SEMA6A: variants seen among roughly 807,000 people sequenced by gnomAD.
SEMA6A encodes the protein semaphorin-6A.
In SEMA6A, 25 loss-of-function variants were observed where a neutral mutation model predicts 96.8. That is an observed-to-expected ratio of 0.26 (90% confidence interval 0.19 to 0.36). SEMA6A has a LOEUF of 0.36. Among genes scored for constraint, SEMA6A ranks in the 10% least tolerant of loss-of-function variants. SEMA6A has a pLI of 1.00. For missense variants in SEMA6A, 1,363 were observed against 1,323.1 expected (o/e 1.03, Z -0.47); for synonymous variants, 612 against 518.0 (o/e 1.18, Z -2.46).
At chr5:116,533,946 T>C (rs1034284208) in intron 1 of SEMA6A, among the ~76,000 whole-genome samples, 11 of 152,134 alleles carry the variant, frequency 7.2e-5, no homozygotes, top group African/African-American at 2.7e-4. Flanking sequence ...GGTAGTTTCA[T>C]TCTCTCCCAA....
intron 1 of SEMA6A, among the ~76,000 whole-genome samples, chr5:116,567,295 G>T (rs868258145): frequency 7.9e-5 from 12 of 152,044 alleles, no homozygotes; most frequent in African/African-American, 2.9e-4. Context: ...GCCTGTTTAT[G>T]GTATGAATGT....
chr5:116,566,949 C>CA (rs1761048550), intron 1 of SEMA6A, among the ~76,000 whole-genome samples: 1 of 152,152 alleles, frequency 6.6e-6, no homozygotes, highest in Admixed American at 6.5e-5. Context: ...CAATCAGCAG[C>CA]CGAGTTTCTC....
chr5:116,487,059 C>A, intron 9 of SEMA6A, 93 bp from the exon 10 acceptor site: 11 of 795,568 alleles, frequency 1.4e-5, no homozygotes, highest in South Asian at 3.5e-5. Flanking sequence ...AGAAACAAAA[C>A]AACAAGGTGC....
At chr5:116,513,704 C>T (rs188054524) in intron 1 of SEMA6A, among the ~76,000 whole-genome samples, 86 of 151,244 alleles carry the variant, frequency 5.7e-4, no homozygotes, top group South Asian at 1.5e-3. Context: ...TGGTGGTTTG[C>T]GGCACAGGTC....
chr5:116,468,093 C>G (rs1755885308), intron 17 of SEMA6A: 1 of 248,356 alleles, frequency 4.0e-6, no homozygotes, highest in Non-Finnish European at 7.8e-6. Context: ...GTGAAAGCAT[C>G]TTGCACAGTG....
At chr5:116,503,637 G>A (rs549105945) in intron 2 of SEMA6A, among the ~76,000 whole-genome samples, 29 of 151,718 alleles carry the variant, frequency 1.9e-4, no homozygotes, top group African/African-American at 6.8e-4. Flanking sequence ...TCAGCCTCCT[G>A]TAGCTGGAAC....
In SEMA6A at chr5:116,447,172, T is replaced by C; in HGVS notation, c.2534A>G (p.Asp845Gly). The C allele has an allele frequency of 6.2e-7, 1 of 1,614,014 alleles. No individual in the cohort carries two copies. Among genetic ancestry groups the C allele is most frequent in the Non-Finnish European group, 8.5e-7 (1 of 1,179,890 alleles). Residue 845 changes from aspartate (D) to glycine (G), a missense_variant, in exon 19 of 19, where the codon GAC becomes GGC. Transcript: ENST00000343348. ...MSEVAQMALE[D>G]QAATLEYKTI... Reference sequence around the variant, plus strand: ...CTTATACTCCAGTGTGGCGGCCTGGTCCTCCAGCGCCATCTGGGCCACCTC... The same window carrying C: ...CTTATACTCCAGTGTGGCGGCCTGGCCCTCCAGCGCCATCTGGGCCACCTC...
intron 12 of SEMA6A, 107 bp downstream of exon 12, chr5:116,480,015 G>T: frequency 7.6e-7 from 1 of 1,317,474 alleles, no homozygotes; most frequent in Non-Finnish European, 1.1e-6. Flanking sequence ...GAATGCCCAG[G>T]ATAGCAGAAG....
Position 116,488,924 on chromosome 5 carries a change from G to T in SEMA6A, c.619C>A (p.Leu207Met), listed in dbSNP as rs895749539. ...TTTGAATCGTGCTTGACGGTCCGCA[G>T]GGTAGGGCTTTCTCCAAGACTCCGG... is the stretch of plus-strand genomic sequence containing the variant. ...IYRSLGESPT[L>M]RTVKHDSKWL... is the part of the protein sequence containing the mutation. Residue 207 changes from leucine to methionine, a missense_variant, in exon 8 of 19, where the codon CTG becomes ATG. Coordinates refer to ENST00000343348, the MANE Select transcript of SEMA6A (RefSeq NM_020796.5). 6.3e-7 allele frequency: 1 copy of T among 1,589,100 alleles called. No homozygotes were observed. Among genetic ancestry groups the T allele is most frequent in the Non-Finnish European group, 8.6e-7 (1 of 1,166,708 alleles).
chr5:116,524,936 CAATGGCATCTCTGA>C (rs1759152499), intron 1 of SEMA6A, among the ~76,000 whole-genome samples: 2 of 152,198 alleles, frequency 1.3e-5, no homozygotes, highest in Non-Finnish European at 2.9e-5. Flanking sequence ...AAGATCTAGA[CAATGGCATCTCTGA>C]ACTCTTCATT....
At chr5:116,557,439 C>G (rs145586738) in intron 1 of SEMA6A, among the ~76,000 whole-genome samples, 1 of 152,204 alleles carries the variant, frequency 6.6e-6, no homozygotes, top group South Asian at 2.1e-4. Context: ...CTCAAACTCC[C>G]GGCCTCAAGC....
chr5:116,502,061 A>T (rs1364014660), intron 3 of SEMA6A, 149 bp downstream of exon 3: 1 of 629,118 alleles, frequency 1.6e-6, no homozygotes, highest in Non-Finnish European at 2.8e-6. Flanking sequence ...TTTTGAAATA[A>T]TGATTGCTTG....
At chr5:116,481,279 T>C (rs1371344724) in intron 11 of SEMA6A, among the ~76,000 whole-genome samples, 1 of 152,204 alleles carries the variant, frequency 6.6e-6, no homozygotes, top group African/African-American at 2.4e-5. Flanking sequence ...TACTGAAACC[T>C]GATCCCTCAG....
Position 116,486,693 on chromosome 5 carries a change from T to C in SEMA6A, c.962+56A>G, listed in dbSNP as rs759573918. On this transcript the variant is annotated intron_variant, in intron 10 of 18. Coordinates refer to ENST00000343348, the MANE Select transcript of SEMA6A (RefSeq NM_020796.5). ...TATGGTTTATTAGAAGAGAACCCCCTGGGAGAAGGAAGCCAGGAAGAATTG... is the reference window on the plus strand; with the variant it reads ...TATGGTTTATTAGAAGAGAACCCCCCGGGAGAAGGAAGCCAGGAAGAATTG... 3.6e-5 allele frequency: 52 copies of C among 1,443,966 alleles called. No individual in the cohort carries two copies. The Middle Eastern group carries it at 1.2e-3, about 34-fold the overall frequency. The allele number at this position is 1,443,966 out of a possible 1,614,324, so 89.4% of individuals were successfully genotyped here.
intron 18 of SEMA6A, among the ~76,000 whole-genome samples, chr5:116,448,340 G>A (rs1172841225): frequency 2.0e-5 from 3 of 151,844 alleles, no homozygotes; most frequent in Admixed American, 6.6e-5. Context: ...GCGAGACTCC[G>A]TTTCAAAAAA....
chr5:116,570,459 GCA>G (rs1761167288), intron 1 of SEMA6A, among the ~76,000 whole-genome samples: 1 of 152,204 alleles, frequency 6.6e-6, no homozygotes, highest in Non-Finnish European at 1.5e-5. Flanking sequence ...ATGTCAAGGA[GCA>G]CTCCTCTACT....
At chr5:116,561,754 T>C (rs1760825635) in intron 1 of SEMA6A, among the ~76,000 whole-genome samples, 1 of 152,236 alleles carries the variant, frequency 6.6e-6, no homozygotes, top group Non-Finnish European at 1.5e-5. Flanking sequence ...GGAACGGATG[T>C]GTTTGGGCAA....
At chr5:116,474,274 GCATGCACACACACACACACA>G (rs1021981283) in intron 16 of SEMA6A, among the ~76,000 whole-genome samples, 6 of 110,248 alleles carry the variant, frequency 5.4e-5, no homozygotes, top group Admixed American at 9.8e-5. Flanking sequence ...AAGCGTGCAC[GCATGCACACACACACACACA>G]CACACACACA....
At chr5:116,479,855 A>T (rs999318394) in intron 12 of SEMA6A, among the ~76,000 whole-genome samples, 2 of 152,170 alleles carry the variant, frequency 1.3e-5, no homozygotes, top group African/African-American at 4.8e-5. Flanking sequence ...GATTGGATCA[A>T]TGGGCTAATC....
Sources: gnomAD v4.1 joint callset for allele counts (sites outside exome capture counted in the v4.1 genomes callset) on GRCh38, gnomAD v4.1.1 for gene constraint, MANE v1.5 for transcripts, NCBI Gene and HGNC (gene_info 2026-07-23, HGNC 2026-07-21) for gene names.